The following STS variants were observed in gnomAD, a reference collection of about 807,000 sequenced individuals.
The protein encoded by STS is steroid sulfatase.
Under a neutral mutation model 26.8 loss-of-function variants are expected in STS, and 7 were observed. The ratio of observed to expected loss-of-function variants is 0.26; its 90% CI spans 0.15 to 0.49. The LOEUF is 0.49. Among genes scored for constraint, STS ranks in the 20% least tolerant of loss-of-function variants. The probability of loss-of-function intolerance (pLI) is 0.98; values close to 1 mark genes in which losing one functional copy is unlikely to be tolerated. For missense variants in STS, 434 were observed against 465.6 expected, an observed-to-expected ratio of 0.93 and a Z score of 0.63; for synonymous variants, 199 against 189.4, an observed-to-expected ratio of 1.05 and a Z score of -0.42.
intron 7 of STS, among the ~76,000 whole-genome samples, chrX:7,298,102 G>A (rs1027659949): frequency 7.3e-5 from 8 of 109,863 alleles, no homozygotes; most frequent in Admixed American, 2.0e-4. Flanking sequence ...TTCTTCTCTT[G>A]AAAAAAAAGG....
chrX:7,305,259 T>C, intron 8 of STS, 76 bp downstream of exon 8: 2 of 1,155,124 alleles, frequency 1.7e-6, no homozygotes, highest in Non-Finnish European at 2.4e-6. Context: ...TTTTCGAGCT[T>C]TTCCATAGTT....
At chrX:7,153,608 C>T (rs181077651) in intron 1 of STS, among the ~76,000 whole-genome samples, 59 of 95,509 alleles carry the variant, frequency 6.2e-4, no homozygotes, top group Non-Finnish European at 1.5e-4. Flanking sequence ...CCTTCTCTTC[C>T]TTTCCTCCTT....
intron 2 of STS, among the ~76,000 whole-genome samples, chrX:7,220,086 A>G (rs1196987843): frequency 8.9e-6 from 1 of 111,868 alleles, no homozygotes; most frequent in African/African-American, 3.3e-5. Flanking sequence ...TATGTGTTGC[A>G]GAGTGGGAAA....
At chrX:7,204,185 A>G (rs781395462) in intron 2 of STS, among the ~76,000 whole-genome samples, 3 of 111,630 alleles carry the variant, frequency 2.7e-5, no homozygotes, top group African/African-American at 9.8e-5. Flanking sequence ...ATATGAAAAA[A>G]TATTCTTCAA....
rs1252095520 is a variant in STS, at chrX:7,352,536, C to G, written c.*2275C>G. 9.0e-6 allele frequency: 1 copy of G among 111,706 alleles called. No individual in the cohort carries two copies. The highest frequency in any genetic ancestry group is 1.9e-5 in the Non-Finnish European group (1 of 53,154). The allele number at this position is 111,706 out of a possible 1,213,427, so 9.2% of individuals were successfully genotyped here. On this transcript the variant is annotated 3_prime_UTR_variant, in exon 11 of 11. Coordinates refer to ENST00000674429, the MANE Select transcript of STS (RefSeq NM_001320752.2). Reference sequence around the variant, plus strand: ...TGAAAGTTTTGATTTGAATGTAAAACAGGAAATTGGAATTCCTTTGTCCAG... The same window carrying G: ...TGAAAGTTTTGATTTGAATGTAAAAGAGGAAATTGGAATTCCTTTGTCCAG...
At chrX:7,298,095 T>C (rs1468360604) in intron 7 of STS, among the ~76,000 whole-genome samples, 1 of 111,333 alleles carries the variant, frequency 9.0e-6, no homozygotes, top group Non-Finnish European at 1.9e-5. Flanking sequence ...TTTTGCATTC[T>C]TCTCTTGAAA....
chrX:7,300,069 C>T (rs1304594796), intron 7 of STS, among the ~76,000 whole-genome samples: 4 of 111,448 alleles, frequency 3.6e-5, no homozygotes, highest in African/African-American at 1.3e-4. Flanking sequence ...TTTAGGCTTC[C>T]TCTGCAACCC....
intron 8 of STS, among the ~76,000 whole-genome samples, chrX:7,314,872 G>A (rs1253472074): frequency 8.9e-6 from 1 of 112,237 alleles, no homozygotes; most frequent in Non-Finnish European, 1.9e-5. Context: ...GGCTCTGTGA[G>A]GGCAGGGAGT....
intron 2 of STS, among the ~76,000 whole-genome samples, chrX:7,224,279 A>G (rs1921706418): frequency 8.9e-6 from 1 of 111,780 alleles, no homozygotes; most frequent in Non-Finnish European, 1.9e-5. Flanking sequence ...TGGATAATTC[A>G]TCAACCAGTA....
At chrX:7,343,231 G>A (rs1436579902) in intron 10 of STS, among the ~76,000 whole-genome samples, 1 of 111,867 alleles carries the variant, frequency 8.9e-6, no homozygotes, top group Non-Finnish European at 1.9e-5. Context: ...CATTCATCAA[G>A]GGAAGTTTAA....
chrX:7,197,005 C>G (rs1262763278), intron 2 of STS, among the ~76,000 whole-genome samples: 1 of 110,937 alleles, frequency 9.0e-6, no homozygotes, highest in African/African-American at 3.3e-5. Flanking sequence ...TACCTTTCTT[C>G]CTACTCTCAG....
chrX:7,267,170 G>A (rs1350600991), intron 6 of STS, among the ~76,000 whole-genome samples: 3 of 112,070 alleles, frequency 2.7e-5, no homozygotes, highest in African/African-American at 6.5e-5. Flanking sequence ...GGATTAGTCC[G>A]AGTGAGGATT....
chrX:7,287,506 A>G (rs1223113799), intron 7 of STS, among the ~76,000 whole-genome samples: 6 of 110,638 alleles, frequency 5.4e-5, no homozygotes, highest in African/African-American at 2.0e-4. Context: ...AATATTTTAC[A>G]CAAACTCTAT....
chrX:7,185,222 C>G (rs763400317), intron 1 of STS, among the ~76,000 whole-genome samples: 1 of 112,673 alleles, frequency 8.9e-6, no homozygotes, highest in Non-Finnish European at 1.9e-5. Context: ...ACTGTCTTAC[C>G]CACTCATTCT....
chrX:7,341,772 C>T (rs1434668863), intron 10 of STS, among the ~76,000 whole-genome samples: 1 of 110,907 alleles, frequency 9.0e-6, no homozygotes, highest in Non-Finnish European at 1.9e-5. Flanking sequence ...TCCATCCCTT[C>T]CTCCTAATAA....
At chrX:7,325,849 T>C (rs1326902901) in intron 9 of STS, among the ~76,000 whole-genome samples, 1 of 112,150 alleles carries the variant, frequency 8.9e-6, no homozygotes, top group Non-Finnish European at 1.9e-5. Flanking sequence ...TCTATCTAGA[T>C]GCTTCTTGGC....
chrX:7,269,336 C>G (rs1924161157), intron 6 of STS, among the ~76,000 whole-genome samples: 1 of 101,370 alleles, frequency 9.9e-6, no homozygotes. Flanking sequence ...CTGGAAATGC[C>G]TCTCCAGCCA....
intron 2 of STS, among the ~76,000 whole-genome samples, chrX:7,234,418 G>A (rs1219829161): frequency 8.9e-6 from 1 of 112,417 alleles, no homozygotes; most frequent in Non-Finnish European, 1.9e-5. Flanking sequence ...GACTGACTCT[G>A]TTGCCGACAT....
chrX:7,220,543 ATTTT>A (rs769097559), intron 2 of STS, among the ~76,000 whole-genome samples: 1 of 64,969 alleles, frequency 1.5e-5, no homozygotes. Flanking sequence ...TGGATGTCAG[ATTTT>A]TTTTTTTTTT....
Sources: allele counts gnomAD v4.1 joint callset (sites outside exome capture counted in the v4.1 genomes callset), GRCh38; gene constraint gnomAD v4.1.1; transcripts MANE v1.5; gene names NCBI Gene and HGNC (gene_info 2026-07-23, HGNC 2026-07-21).